Variants in METTL15 observed in about 807,000 individuals in gnomAD.
METTL15 encodes the protein methyltransferase 15, mitochondrial 12S rRNA N4-cytidine.
In METTL15, 34 loss-of-function variants were observed where a neutral mutation model predicts 38.3. The ratio of observed to expected loss-of-function variants is 0.89; its 90% confidence interval spans 0.68 to 1.18. METTL15 has a LOEUF of 1.18. METTL15 is among the 50% of genes most tolerant of loss of function. The pLI is 0.00. For synonymous variants in METTL15, 162 were observed against 170.9 expected (o/e 0.95, Z 0.41); for missense variants, 438 against 498.4 (o/e 0.88, Z 1.15).
intron 4 of METTL15, among the ~76,000 whole-genome samples, chr11:28,238,914 G>T (rs189731907): frequency 6.8e-4 from 103 of 152,260 alleles, no homozygotes; most frequent in African/African-American, 2.3e-3. Context: ...TCAGCATCGT[G>T]TGTCATAGTT....
intron 3 of METTL15, among the ~76,000 whole-genome samples, chr11:28,120,071 C>T (rs1256780617): frequency 1.3e-5 from 2 of 152,088 alleles, no homozygotes; most frequent in Admixed American, 6.5e-5. Context: ...CCTGCCTCAG[C>T]CTCCTGAGTA....
intron 5 of METTL15, among the ~76,000 whole-genome samples, chr11:28,415,379 G>A (rs1268921271): frequency 6.6e-6 from 1 of 152,146 alleles, no homozygotes; most frequent in African/African-American, 2.4e-5. Flanking sequence ...ACACACCACA[G>A]GGAATATAGC....
chr11:28,178,781 C>T (rs189253287), intron 3 of METTL15, among the ~76,000 whole-genome samples: 169 of 151,668 alleles, frequency 1.1e-3, no homozygotes, highest in African/African-American at 2.2e-3. Context: ...TTATTCATTG[C>T]GAATATTTTA....
At chr11:28,474,314 G>A (rs1427853962) in intron 6 of METTL15, among the ~76,000 whole-genome samples, 3 of 151,650 alleles carry the variant, frequency 2.0e-5, no homozygotes, top group African/African-American at 7.3e-5. Flanking sequence ...CTAATTTAAG[G>A]TGTCTATGTT....
intron 6 of METTL15, among the ~76,000 whole-genome samples, chr11:28,525,172 G>C (rs944553670): frequency 6.6e-6 from 1 of 152,194 alleles, no homozygotes; most frequent in Non-Finnish European, 1.5e-5. Context: ...ATTGCAAAGA[G>C]CAAAAGAACA....
chr11:28,441,540 G>C (rs1341206961), intron 6 of METTL15, among the ~76,000 whole-genome samples: 3 of 152,034 alleles, frequency 2.0e-5, no homozygotes, highest in Non-Finnish European at 4.4e-5. Flanking sequence ...ATCCTAAAAT[G>C]TATTTTTATT....
chr11:28,167,271 A>G (rs914550768), intron 3 of METTL15, among the ~76,000 whole-genome samples: 1 of 152,196 alleles, frequency 6.6e-6, no homozygotes, highest in Admixed American at 6.6e-5. Context: ...TTATGCAGAA[A>G]AGGAATTTAT....
intron 3 of METTL15, among the ~76,000 whole-genome samples, chr11:28,120,117 A>G (rs1016549859): frequency 3.9e-4 from 60 of 152,016 alleles, no homozygotes; most frequent in African/African-American, 1.4e-3. Flanking sequence ...ACATCCAGCT[A>G]ATTTTTTTGT....
intron 5 of METTL15, among the ~76,000 whole-genome samples, chr11:28,415,358 G>T (rs776957033): frequency 1.4e-4 from 22 of 152,090 alleles, no homozygotes; most frequent in Non-Finnish European, 2.6e-4. Context: ...TAAAAGAAAA[G>T]GTATCTGAGA....
intron 6 of METTL15, among the ~76,000 whole-genome samples, chr11:28,430,005 C>T (rs1279746674): frequency 2.3e-4 from 31 of 135,288 alleles, no homozygotes; most frequent in African/African-American, 8.0e-4. Flanking sequence ...GCCTCTGCCC[C>T]GCCGCCCCAT....
At chr11:28,329,219 A>G (rs1458518768) in intron 6 of METTL15, among the ~76,000 whole-genome samples, 3 of 152,078 alleles carry the variant, frequency 2.0e-5, no homozygotes, top group Non-Finnish European at 2.9e-5. Context: ...GCTTTTCCCA[A>G]TTGAATGGTC....
intron 3 of METTL15, among the ~76,000 whole-genome samples, chr11:28,144,006 A>T (rs1296372525): frequency 6.6e-6 from 1 of 152,152 alleles, no homozygotes; most frequent in African/African-American, 2.4e-5. Flanking sequence ...CTGATTGCCT[A>T]TTATGGTCCT....
intron 4 of METTL15, among the ~76,000 whole-genome samples, chr11:28,218,541 A>G (rs1853020124): frequency 6.6e-6 from 1 of 151,998 alleles, no homozygotes. Context: ...CTAATTGAAT[A>G]CCCTTTATTT....
At chr11:28,140,682 A>G (rs554312202) in intron 3 of METTL15, among the ~76,000 whole-genome samples, 1 of 152,274 alleles carries the variant, frequency 6.6e-6, no homozygotes, top group East Asian at 1.9e-4. Context: ...TTATTAGGTG[A>G]AAAGGAAAGC....
intron 5 of METTL15, among the ~76,000 whole-genome samples, chr11:28,416,091 A>G (rs1444290607): frequency 6.6e-6 from 1 of 152,238 alleles, no homozygotes; most frequent in East Asian, 1.9e-4. Flanking sequence ...TGACTTTACA[A>G]TAGACTTCTC....
At chr11:28,255,980 G>A (rs1002386457) in intron 4 of METTL15, among the ~76,000 whole-genome samples, 3 of 152,238 alleles carry the variant, frequency 2.0e-5, no homozygotes, top group African/African-American at 7.2e-5. Flanking sequence ...TGGGATTACA[G>A]GCATGAGCCA....
At chr11:28,225,379 C>T (rs1478862117) in intron 4 of METTL15, among the ~76,000 whole-genome samples, 1 of 151,734 alleles carries the variant, frequency 6.6e-6, no homozygotes, top group Non-Finnish European at 1.5e-5. Flanking sequence ...GATAAATATG[C>T]AGAAAGGATA....
intron 3 of METTL15, among the ~76,000 whole-genome samples, chr11:28,143,382 C>G (rs1849765756): frequency 6.6e-6 from 1 of 152,144 alleles, no homozygotes; most frequent in South Asian, 2.1e-4. Flanking sequence ...ACTCTTAATT[C>G]CCAGCAGTAC....
rs1282906438 is a variant in METTL15 at position 28,330,787 on chromosome 11, A to G, written c.1170A>G (p.Val390=). The G allele has an allele frequency of 1.3e-6, 2 of 1,551,830 alleles. No individual in the cohort carries two copies. The highest frequency in any genetic ancestry group is 1.7e-6 in the Non-Finnish European group (2 of 1,146,864). ...TACTTAGTCCACAAGATCAGGATGT[A>G]CAAGATAACCCCAGAGGGCGCTCAG... ...KKVLSPQDQD[V]QDNPRGRSAK... The change falls in exon 7 of 7, where the codon GTA becomes GTG. Residue 390 remains valine (V), a synonymous_variant. Coordinates refer to ENST00000407364, the MANE Select transcript of METTL15 (RefSeq NM_001113528.2).
Sources: gnomAD v4.1 joint callset for allele counts (sites outside exome capture counted in the v4.1 genomes callset) on GRCh38, gnomAD v4.1.1 for gene constraint, MANE v1.5 for transcripts, NCBI Gene and HGNC (gene_info 2026-07-23, HGNC 2026-07-21) for gene names.